The following AHCTF1 variants were observed in gnomAD, a reference collection of about 807,000 sequenced individuals.
The protein encoded by AHCTF1 is protein ELYS.
Under a neutral mutation model 248.4 loss-of-function variants are expected in AHCTF1, and 24 were observed. That is an observed-to-expected ratio of 0.10 (90% CI 0.07 to 0.14). The LOEUF (loss-of-function observed/expected upper bound fraction) is 0.14. AHCTF1 is among the 10% of genes least tolerant of loss of function. The probability of loss-of-function intolerance (pLI) is 1.00; values close to 1 mark genes in which losing one functional copy is unlikely to be tolerated. For synonymous variants in AHCTF1, 786 were observed against 929.8 expected, an observed-to-expected ratio of 0.85 and a Z score of 2.81; for missense variants, 2,206 against 2,636.2, an observed-to-expected ratio of 0.84 and a Z score of 3.57.
rs778270387 is a variant in AHCTF1 at position 246,851,088 on chromosome 1, T to C, written c.4918A>G (p.Asn1640Asp). 2 of 1,613,904 alleles carry C rather than the reference T, an allele frequency of 1.2e-6. No individual in the cohort carries two copies. Among genetic ancestry groups the C allele is most frequent in the Admixed American group, 1.7e-5 (1 of 59,986 alleles). ...TCACTAGTTACGGCAGATGGCAAAT[T>C]TGCAATTTGTCCATGATTATCATTT... ...GENDNHGQIA[N>D]LPSAVTSDQK... The change falls in exon 33 of 36, where the codon AAT becomes GAT. Residue 1640 changes from asparagine (N) to aspartate (D), a missense_variant. Physicochemically the swap from Asn to Asp is conservative, Grantham distance 23. Coordinates refer to ENST00000648844, the MANE Select transcript of AHCTF1 (RefSeq NM_001323342.2).
chr1:246,878,396 CAAAAAA>C (rs1199465751), intron 21 of AHCTF1, among the ~76,000 whole-genome samples: 62 of 30,780 alleles, frequency 2.0e-3, no homozygotes, highest in Non-Finnish European at 1.8e-3. Context: ...GATTCTGTCT[CAAAAAA>C]AAAAAAAAAA....
rs750459242 is a variant in AHCTF1, at chr1:246,851,309, T to A, written c.4697A>T (p.Asp1566Val). The A allele has an allele frequency of 1.2e-6, 2 of 1,614,074 alleles. No individual in the cohort carries two copies. Among genetic ancestry groups the A allele is most frequent in the South Asian group, 2.2e-5 (2 of 91,086 alleles). Residue 1566 changes from aspartate to valine, a missense_variant, in exon 33 of 36, where the codon GAC becomes GTC. By Grantham distance (152) the Asp-to-Val change is radical (BLOSUM62 -3). Coordinates refer to ENST00000648844, the MANE Select transcript of AHCTF1 (RefSeq NM_001323342.2). ...AGCAGTGTCTTTGTTATCAGCTAAG[T>A]CACAAAACTGTTGGTCAATAGTATC... ...NFDTIDQQFC[D>V]LADNKDTAEC...
At chr1:246,908,003 C>G (rs897819623) in intron 4 of AHCTF1, among the ~76,000 whole-genome samples, 3 of 152,136 alleles carry the variant, frequency 2.0e-5, no homozygotes, top group African/African-American at 7.2e-5. Flanking sequence ...CAGTACATCT[C>G]AAATATTATC....
At position 246,908,760 on chromosome 1, in the gene AHCTF1, C is replaced by T. The variant is rs565078282; in HGVS notation, c.557-1002G>A. 3.8e-3 allele frequency among the ~76,000 whole-genome samples: 568 copies of T among 149,044 alleles called. 6 individuals are homozygous for T. The highest frequency in any genetic ancestry group is 0.013 in the African/African-American group (534 of 40,632). ...AAAAAAAAAAATTAGCCGGGCATGG[C>T]GGCGTGCGCCTGTAGTCCCAGCTGC... On this transcript the variant is annotated intron_variant, in intron 4 of 35. Coordinates refer to ENST00000648844, the MANE Select transcript of AHCTF1 (RefSeq NM_001323342.2).
At chr1:246,909,694 G>A (rs1435742591) in intron 4 of AHCTF1, among the ~76,000 whole-genome samples, 3 of 152,118 alleles carry the variant, frequency 2.0e-5, no homozygotes, top group African/African-American at 7.2e-5. Context: ...CAAAGTTCTT[G>A]ATTTAATAAG....
chr1:246,924,448 T>C (rs1666791197), intron 1 of AHCTF1, among the ~76,000 whole-genome samples: 1 of 151,986 alleles, frequency 6.6e-6, no homozygotes, highest in Non-Finnish European at 1.5e-5. Flanking sequence ...GGATTTCTTA[T>C]AAAATCAATA....
chr1:246,904,058 C>T lies in AHCTF1; in HGVS notation c.882-25G>A, dbSNP rs368742330. 9.2e-5 allele frequency: 146 copies of T among 1,581,330 alleles called. No individual in the cohort carries two copies. The African/African-American group carries it at 1.5e-3, about 17-fold the overall frequency. ...ACTGAAACAGAAATTAACGAAGACA[C>T]GCTAAATATATTAATACATTAAACA... On this transcript the variant is annotated intron_variant, in intron 6 of 35. Transcript: ENST00000648844.
rs147242943 is a variant in AHCTF1, at chr1:246,860,249, C to A, written c.4132+650G>T. Among the ~76,000 whole-genome samples, 23 of 152,164 alleles carry A rather than the reference C, an allele frequency of 1.5e-4. No individual in the cohort carries two copies. In the East Asian group the frequency reaches 4.5e-3, roughly 30 times the overall value. ...CGCCACTGCACTCCAGCCTGGGCAA[C>A]AGAGTGAGACTCTGTCTCAAAAATT... On this transcript the variant is annotated intron_variant, in intron 29 of 35. Coordinates refer to ENST00000648844, the MANE Select transcript of AHCTF1 (RefSeq NM_001323342.2).
intron 31 of AHCTF1, among the ~76,000 whole-genome samples, chr1:246,853,928 C>T (rs1051270467): frequency 2.0e-5 from 3 of 151,936 alleles, no homozygotes; most frequent in African/African-American, 4.8e-5. Flanking sequence ...AAAAAGAGGA[C>T]GACGAAAAAC....
rs1659677094 is a variant in AHCTF1 at position 246,839,364 on chromosome 1, C to T, written c.*1442G>A. On this transcript the variant is annotated 3_prime_UTR_variant, in exon 36 of 36. Transcript: ENST00000648844. ...GCTACTTGCGCAAAGGAATTGTTTA[C>T]TGAATTATGTTTAGCTCTTTATTCA... is the stretch of plus-strand genomic sequence containing the variant. 1 of 191,794 alleles carries T rather than the reference C, an allele frequency of 5.2e-6. No homozygotes were observed. The highest frequency in any genetic ancestry group is 2.4e-5 in the African/African-American group (1 of 42,012). 11.9% of individuals were successfully genotyped at this position (191,794 alleles called of 1,614,324 possible). A position where few individuals can be genotyped will look rare whatever the true frequency, so the allele number is the denominator to read the frequency against.
chr1:246,852,606 C>CA (rs1660794293), intron 32 of AHCTF1, among the ~76,000 whole-genome samples: 1 of 152,030 alleles, frequency 6.6e-6, no homozygotes, highest in South Asian at 2.1e-4. Flanking sequence ...GCGGGGGTGT[C>CA]AATCCTGTGT....
intron 21 of AHCTF1, among the ~76,000 whole-genome samples, chr1:246,882,665 AT>A (rs984410242): frequency 3.3e-5 from 5 of 152,232 alleles, no homozygotes; most frequent in Non-Finnish European, 7.3e-5. Context: ...ATACAAAAGG[AT>A]TTTTTGGCTT....
At chr1:246,858,790 ACT>A (rs1661297044) in intron 29 of AHCTF1, among the ~76,000 whole-genome samples, 2 of 147,490 alleles carry the variant, frequency 1.4e-5, no homozygotes, top group African/African-American at 5.0e-5. Flanking sequence ...CAAGAGCGAA[ACT>A]CTGTCTCAAA....
chr1:246,839,800 A>G lies in AHCTF1; in HGVS notation c.*1006T>C, dbSNP rs1215159819. 6.5e-6 allele frequency: 1 copy of G among 153,314 alleles called. No homozygotes were observed. The highest frequency in any genetic ancestry group is 1.9e-4 in the East Asian group (1 of 5,202). 9.5% of individuals were successfully genotyped at this position (153,314 alleles called of 1,614,324 possible). ...ATTGATGAGTGTTAGAGCCTACATCAAGTACCATTGCTTAATTGCACACAG... is the reference window on the plus strand; with the variant it reads ...ATTGATGAGTGTTAGAGCCTACATCGAGTACCATTGCTTAATTGCACACAG... On this transcript the variant is annotated 3_prime_UTR_variant, in exon 36 of 36. Coordinates refer to ENST00000648844, the MANE Select transcript of AHCTF1 (RefSeq NM_001323342.2).
intron 31 of AHCTF1, among the ~76,000 whole-genome samples, chr1:246,854,325 A>T (rs1006152869): frequency 6.6e-6 from 1 of 151,410 alleles, no homozygotes; most frequent in South Asian, 2.1e-4. Context: ...AAATCTGTAC[A>T]TACTTCTGGA....
At chr1:246,926,549 G>A (rs557293266) in intron 1 of AHCTF1, among the ~76,000 whole-genome samples, 8 of 152,232 alleles carry the variant, frequency 5.3e-5, no homozygotes, top group East Asian at 3.9e-4. Flanking sequence ...AGAGAACATC[G>A]AAACACTCTA....
chr1:246,867,891 A>AT, intron 24 of AHCTF1, 80 bp from the exon 25 acceptor site: 1 of 332,064 alleles, frequency 3.0e-6, no homozygotes, highest in South Asian at 4.1e-5. Context: ...GAATGATTAC[A>AT]CCCCCCCCCC....
At chr1:246,878,225 C>T (rs1314670185) in intron 21 of AHCTF1, among the ~76,000 whole-genome samples, 1 of 151,156 alleles carries the variant, frequency 6.6e-6, no homozygotes. Context: ...TGGTGAGACC[C>T]TAACTACAAA....
chr1:246,928,094 G>C (rs908571374), intron 1 of AHCTF1, among the ~76,000 whole-genome samples: 1 of 152,044 alleles, frequency 6.6e-6, no homozygotes, highest in East Asian at 1.9e-4. Context: ...GAGGTCAGGA[G>C]ATCGAGACCA....
Sources: allele counts gnomAD v4.1 joint callset (sites outside exome capture counted in the v4.1 genomes callset), GRCh38; gene constraint gnomAD v4.1.1; transcripts MANE v1.5; gene names NCBI Gene and HGNC (gene_info 2026-07-23, HGNC 2026-07-21).